Variants in AGMO observed in about 807,000 individuals in gnomAD.
AGMO encodes the protein alkylglycerol monooxygenase, also known as glyceryl-ether monooxygenase.
In AGMO, 75 loss-of-function variants were observed where a neutral mutation model predicts 60.2. That is an observed-to-expected ratio of 1.25 (90% confidence interval 1.03 to 1.51). The LOEUF is 1.51. Among genes scored for constraint, AGMO ranks in the 40% most tolerant of loss-of-function variants. The probability of loss-of-function intolerance (pLI) is 0.00; values close to 1 mark genes in which losing one functional copy is unlikely to be tolerated. For synonymous variants in AGMO, 261 were observed against 177.1 expected, an observed-to-expected ratio of 1.47 and a Z score of -3.76; for missense variants, 763 against 525.5, an observed-to-expected ratio of 1.45 and a Z score of -4.42.
At chr7:15,230,073 A>G (rs954517263) in intron 12 of AGMO, among the ~76,000 whole-genome samples, 2 of 152,018 alleles carry the variant, frequency 1.3e-5, no homozygotes, top group Non-Finnish European at 2.9e-5. Flanking sequence ...ATAGGCACAT[A>G]CAAAATTTCA....
chr7:15,503,775 T>A (rs531527262), intron 3 of AGMO, among the ~76,000 whole-genome samples: 2 of 152,150 alleles, frequency 1.3e-5, no homozygotes, highest in East Asian at 1.9e-4. Context: ...ACAACATGAG[T>A]CAGGGCATGC....
chr7:15,183,382 T>C, the AGMO span, among the ~76,000 whole-genome samples: 1 of 152,164 alleles, frequency 6.6e-6, no homozygotes, highest in South Asian at 2.1e-4. Flanking sequence ...CAAGTATTCA[T>C]GTTCTTATTA....
chr7:15,438,375 A>T (rs1373158937), intron 3 of AGMO, among the ~76,000 whole-genome samples: 1 of 152,160 alleles, frequency 6.6e-6, no homozygotes, highest in Non-Finnish European at 1.5e-5. Flanking sequence ...ACTGAACTAG[A>T]AGGTAGATAT....
At chr7:15,328,442 CT>C (rs1781411443) in intron 12 of AGMO, among the ~76,000 whole-genome samples, 1 of 152,084 alleles carries the variant, frequency 6.6e-6, no homozygotes, top group Non-Finnish European at 1.5e-5. Flanking sequence ...AGGAAGGAGT[CT>C]TGTGATTGAA....
the AGMO span, among the ~76,000 whole-genome samples, chr7:15,154,107 T>C: frequency 1.3e-5 from 2 of 152,128 alleles, no homozygotes; most frequent in African/African-American, 2.4e-5. Context: ...TTGCTGATGA[T>C]ATGATCATAT....
the AGMO span, among the ~76,000 whole-genome samples, chr7:15,146,976 T>A: frequency 6.6e-6 from 1 of 152,198 alleles, no homozygotes; most frequent in Non-Finnish European, 1.5e-5. Context: ...ATTTAGGATA[T>A]ACATTTCACG....
chr7:15,173,722 A>C, the AGMO span, among the ~76,000 whole-genome samples: 1 of 152,084 alleles, frequency 6.6e-6, no homozygotes, highest in South Asian at 2.1e-4. Flanking sequence ...GGAAGTTAGG[A>C]GTTTAAGTTT....
chr7:15,354,689 C>T (rs1262077535), intron 12 of AGMO, among the ~76,000 whole-genome samples: 3 of 149,482 alleles, frequency 2.0e-5, no homozygotes, highest in African/African-American at 7.3e-5. Flanking sequence ...GCGGGATACT[C>T]AAATTGAGTT....
At chr7:15,192,020 T>C in the AGMO span, among the ~76,000 whole-genome samples, 2 of 150,962 alleles carry the variant, frequency 1.3e-5, no homozygotes, top group East Asian at 3.9e-4. Context: ...GAACTATTCA[T>C]CAAAAATCTG....
chr7:15,324,596 T>C (rs1278437377), intron 12 of AGMO, among the ~76,000 whole-genome samples: 1 of 152,124 alleles, frequency 6.6e-6, no homozygotes, highest in Non-Finnish European at 1.5e-5. Flanking sequence ...AGGTCTGTCC[T>C]CTAATGTAGT....
chr7:15,283,535 T>C (rs910128445), intron 12 of AGMO, among the ~76,000 whole-genome samples: 4 of 152,028 alleles, frequency 2.6e-5, no homozygotes, highest in African/African-American at 7.2e-5. Context: ...GGAGATATTA[T>C]AATCCTAAAT....
intron 3 of AGMO, among the ~76,000 whole-genome samples, chr7:15,436,777 G>A (rs1781415490): frequency 6.6e-6 from 1 of 152,102 alleles, no homozygotes; most frequent in Admixed American, 6.5e-5. Flanking sequence ...CTTCAGAAAT[G>A]GAGGTGACTG....
chr7:15,327,933 T>A, intron 12 of AGMO, among the ~76,000 whole-genome samples: 1 of 150,250 alleles, frequency 6.7e-6, no homozygotes. Flanking sequence ...GCCGGGCTAA[T>A]TTAAAAAAAA....
At chr7:15,161,312 T>G in the AGMO span, among the ~76,000 whole-genome samples, 1 of 152,076 alleles carries the variant, frequency 6.6e-6, no homozygotes, top group Admixed American at 6.6e-5. Flanking sequence ...AAGACAAATG[T>G]TCCCCAAGAA....
chr7:15,382,107 A>AC (rs1460731358), intron 10 of AGMO, among the ~76,000 whole-genome samples: 2 of 151,894 alleles, frequency 1.3e-5, no homozygotes, highest in African/African-American at 4.8e-5. Flanking sequence ...CATACAACAA[A>AC]CCCCTCATGA....
At chr7:15,478,161 C>T (rs919363077) in intron 3 of AGMO, among the ~76,000 whole-genome samples, 7 of 152,034 alleles carry the variant, frequency 4.6e-5, no homozygotes, top group East Asian at 1.9e-4. Context: ...AGTTAGATAT[C>T]GCTGAAGCCT....
At chr7:15,511,757 A>G (rs778177251) in intron 3 of AGMO, among the ~76,000 whole-genome samples, 7 of 152,202 alleles carry the variant, frequency 4.6e-5, no homozygotes, top group South Asian at 2.1e-4. Context: ...ATATAGTTTT[A>G]TTTGTCAATT....
intron 4 of AGMO, among the ~76,000 whole-genome samples, chr7:15,426,843 T>A (rs1027633640): frequency 6.6e-6 from 1 of 151,992 alleles, no homozygotes; most frequent in Admixed American, 6.6e-5. Context: ...GAAATAGCAA[T>A]GCATTATGGC....
In AGMO at chr7:15,366,144, G is replaced by A; in HGVS notation, c.1153C>T (p.Gln385Ter). 6.2e-7 allele frequency: 1 copy of A among 1,604,718 alleles called. No homozygotes were observed. Among genetic ancestry groups the A allele is most frequent in the Non-Finnish European group, 8.5e-7 (1 of 1,174,566 alleles). ...TLTSIGFLLD[Q>*]RPKAAIMETL... ...TGCAAGAATTTCACTTCTTGCCTTT[G>A]ATCCAGAAGAAATCCAATGGAAGTC... is the stretch of plus-strand genomic sequence containing the variant. Residue 385 changes from glutamine (Q) to a stop codon, truncating the protein, a stop_gained, in exon 11 of 13, where the codon CAA becomes TAA. Coordinates refer to ENST00000342526, the MANE Select transcript of AGMO (RefSeq NM_001004320.2). LOFTEE classifies it high-confidence loss of function.
Sources: allele counts gnomAD v4.1 joint callset (sites outside exome capture counted in the v4.1 genomes callset), GRCh38; gene constraint gnomAD v4.1.1; transcripts MANE v1.5; gene names NCBI Gene and HGNC (gene_info 2026-07-23, HGNC 2026-07-21).